Variants in PTPRM observed in about 807,000 individuals in gnomAD.
PTPRM encodes protein tyrosine phosphatase receptor type M, also known as receptor-type tyrosine-protein phosphatase mu.
A neutral mutation model predicts 186.7 loss-of-function variants in PTPRM; 47 were observed. The observed-to-expected ratio is 0.25, with a 90% CI of 0.20 to 0.32. PTPRM has a LOEUF of 0.32. PTPRM is among the 10% of genes least tolerant of loss of function. The probability of loss-of-function intolerance (pLI) is 1.00; values close to 1 mark genes in which losing one functional copy is unlikely to be tolerated. For synonymous variants in PTPRM, 668 were observed against 674.9 expected (o/e 0.99, Z 0.16); for missense variants, 1,494 against 1,865.0 (o/e 0.80, Z 3.66).
At chr18:8,294,775 T>C (rs1198007927) in intron 19 of PTPRM, among the ~76,000 whole-genome samples, 1 of 152,244 alleles carries the variant, frequency 6.6e-6, no homozygotes, top group Non-Finnish European at 1.5e-5. Context: ...ATGAGCAGAT[T>C]AAACCTCTTA....
intron 23 of PTPRM, among the ~76,000 whole-genome samples, chr18:8,350,631 G>A (rs897459225): frequency 2.6e-5 from 4 of 152,018 alleles, no homozygotes; most frequent in African/African-American, 9.7e-5. Flanking sequence ...ATAAACATTG[G>A]CTCCTGACAC....
At chr18:7,817,969 A>G (rs1025861103) in intron 2 of PTPRM, among the ~76,000 whole-genome samples, 6 of 152,190 alleles carry the variant, frequency 3.9e-5, no homozygotes, top group African/African-American at 1.4e-4. Flanking sequence ...CGCAAGGCAG[A>G]TGGTACACAG....
chr18:8,002,549 A>G (rs2083933108), intron 7 of PTPRM, among the ~76,000 whole-genome samples: 1 of 152,186 alleles, frequency 6.6e-6, no homozygotes, highest in African/African-American at 2.4e-5. Context: ...TTTCTCCACC[A>G]TTGTGAGAAC....
intron 7 of PTPRM, among the ~76,000 whole-genome samples, chr18:8,036,629 T>TA (rs1470907358): frequency 6.6e-6 from 1 of 152,194 alleles, no homozygotes; most frequent in Non-Finnish European, 1.5e-5. Context: ...ATACACAGAT[T>TA]AAAAGTTATG....
chr18:7,634,323 A>G (rs562797502), intron 1 of PTPRM, among the ~76,000 whole-genome samples: 3 of 152,086 alleles, frequency 2.0e-5, no homozygotes, highest in South Asian at 4.2e-4. Context: ...ATGCAGACCT[A>G]TAGAATGAAG....
chr18:8,021,344 ACACAC>A (rs1467797177), intron 7 of PTPRM, among the ~76,000 whole-genome samples: 1 of 151,836 alleles, frequency 6.6e-6, no homozygotes, highest in Non-Finnish European at 1.5e-5. Flanking sequence ...ACACACACAC[ACACAC>A]ACACACACAC....
intron 1 of PTPRM, among the ~76,000 whole-genome samples, chr18:7,760,648 A>G (rs543982348): frequency 6.6e-6 from 1 of 152,154 alleles, no homozygotes; most frequent in Non-Finnish European, 1.5e-5. Flanking sequence ...CTAGATAGGT[A>G]AGTGCGTCCC....
At chr18:8,277,787 T>C (rs1029816183) in intron 19 of PTPRM, among the ~76,000 whole-genome samples, 2 of 152,244 alleles carry the variant, frequency 1.3e-5, no homozygotes, top group Non-Finnish European at 2.9e-5. Context: ...CCATTGGTTA[T>C]CATAGCTATG....
At chr18:7,962,309 A>C (rs139887446) in intron 7 of PTPRM, among the ~76,000 whole-genome samples, 1 of 152,298 alleles carries the variant, frequency 6.6e-6, no homozygotes, top group African/African-American at 2.4e-5. Flanking sequence ...ATGGAGGATA[A>C]ACAAAGGATT....
At chr18:7,718,192 G>A (rs193293627) in intron 1 of PTPRM, among the ~76,000 whole-genome samples, 7 of 152,084 alleles carry the variant, frequency 4.6e-5, no homozygotes, top group African/African-American at 1.2e-4. Context: ...TTACCAAAAC[G>A]GCATGGTACT....
chr18:8,152,992 A>AG lies in PTPRM; in HGVS notation c.2300+9215dup, dbSNP rs2093044819. On this transcript the variant is annotated intron_variant, in intron 14 of 32. Coordinates refer to ENST00000580170, the MANE Select transcript of PTPRM (RefSeq NM_001105244.2). ...CAGCCTCCCAAAGTGCTAGGATTAC[A>AG]GGCATGAGCCACTGCGCCTGGCCTT... 2.0e-5 allele frequency among the ~76,000 whole-genome samples: 3 copies of AG among 152,172 alleles called. No individual in the cohort carries two copies. The South Asian group carries it at 6.2e-4, about 31-fold the overall frequency.
chr18:8,341,206 G>A (rs1027269711), intron 22 of PTPRM, among the ~76,000 whole-genome samples: 5 of 152,304 alleles, frequency 3.3e-5, no homozygotes, highest in South Asian at 4.1e-4. Flanking sequence ...AATGTAAGTC[G>A]AGAAAGGGAA....
At chr18:8,344,430 A>ATGTGTGTGTG (rs143895566) in intron 23 of PTPRM, among the ~76,000 whole-genome samples, 48 of 110,920 alleles carry the variant, frequency 4.3e-4, no homozygotes, top group Admixed American at 1.4e-3. Context: ...AGATATATAT[A>ATGTGTGTGTG]TGTGTGTGTG....
At chr18:8,297,678 A>G (rs970088485) in intron 20 of PTPRM, among the ~76,000 whole-genome samples, 1 of 152,236 alleles carries the variant, frequency 6.6e-6, no homozygotes, top group Non-Finnish European at 1.5e-5. Context: ...AGTGGCTACT[A>G]CATAGGGCAG....
intron 14 of PTPRM, among the ~76,000 whole-genome samples, chr18:8,200,484 C>T (rs1308557582): frequency 6.6e-6 from 1 of 152,238 alleles, no homozygotes; most frequent in Non-Finnish European, 1.5e-5. Flanking sequence ...CCCTGTGAGG[C>T]CTTTCCACTG....
At chr18:7,680,444 G>A (rs989282533) in intron 1 of PTPRM, among the ~76,000 whole-genome samples, 2 of 152,110 alleles carry the variant, frequency 1.3e-5, no homozygotes, top group African/African-American at 2.4e-5. Context: ...ATTGATTGAT[G>A]TTCAATACAT....
At position 8,383,159 on chromosome 18, in the gene PTPRM, G is replaced by A. The variant is rs568164545; in HGVS notation, c.3919-1402G>A. Among the ~76,000 whole-genome samples, 12 of 151,824 alleles carry A rather than the reference G, an allele frequency of 7.9e-5. 1 individual carries two copies. Among genetic ancestry groups the A allele is most frequent in the East Asian group, 1.9e-4 (1 of 5,134 alleles). Reference sequence around the variant, plus strand: ...CTAAAAATACAAAAATTAGCCGGGCGTGGTGGCGCATGCCTGTAGTCCCTA... The same window carrying A: ...CTAAAAATACAAAAATTAGCCGGGCATGGTGGCGCATGCCTGTAGTCCCTA... On this transcript the variant is annotated intron_variant, in intron 29 of 32. Coordinates refer to ENST00000580170, the MANE Select transcript of PTPRM (RefSeq NM_001105244.2).
intron 2 of PTPRM, among the ~76,000 whole-genome samples, chr18:7,874,075 T>C (rs927259270): frequency 5.9e-5 from 9 of 151,654 alleles, no homozygotes; most frequent in African/African-American, 2.2e-4. Flanking sequence ...TGCAGAGGAA[T>C]GTGTCAGCTT....
intron 2 of PTPRM, among the ~76,000 whole-genome samples, chr18:7,817,299 A>G (rs28478569): frequency 0.023 from 3,504 of 152,222 alleles, 130 homozygotes; most frequent in African/African-American, 0.079. Context: ...TTATTTACCT[A>G]TGAGTGATAA....
Sources: gnomAD v4.1 joint callset for allele counts (sites outside exome capture counted in the v4.1 genomes callset) on GRCh38, gnomAD v4.1.1 for gene constraint, MANE v1.5 for transcripts, NCBI Gene and HGNC (gene_info 2026-07-23, HGNC 2026-07-21) for gene names.